Variants in PTK2 observed in about 807,000 individuals in gnomAD.
PTK2 encodes the protein focal adhesion kinase 1.
PTK2 carries 45 observed loss-of-function variants against 150.1 expected under a neutral mutation model. That is an observed-to-expected ratio of 0.30 (90% confidence interval 0.24 to 0.38). The LOEUF is 0.38. Ranked by LOEUF, PTK2 falls within the 10% of genes least tolerant of loss-of-function variation. The pLI, the probability that PTK2 is intolerant of heterozygous loss-of-function variation, is 1.00. For synonymous variants in PTK2, 432 were observed against 449.2 expected, an observed-to-expected ratio of 0.96 and a Z score of 0.48; for missense variants, 919 against 1,307.3, an observed-to-expected ratio of 0.70 and a Z score of 4.58.
intron 1 of PTK2, among the ~76,000 whole-genome samples, chr8:140,943,540 C>A (rs2100176587): frequency 6.6e-6 from 1 of 152,140 alleles, no homozygotes; most frequent in African/African-American, 2.4e-5. Context: ...TAAATGTTCA[C>A]ATAGAGGTCA....
intron 11 of PTK2, among the ~76,000 whole-genome samples, chr8:140,801,640 GGTAGCAT>G (rs2100095087): frequency 6.6e-6 from 1 of 152,054 alleles, no homozygotes; most frequent in African/African-American, 2.4e-5. Flanking sequence ...AAGAACCACA[GGTAGCAT>G]GTGCCCAGTA....
chr8:140,817,168 A>G (rs2100105202), intron 10 of PTK2, among the ~76,000 whole-genome samples: 1 of 151,848 alleles, frequency 6.6e-6, no homozygotes, highest in African/African-American at 2.4e-5. Context: ...CCTGATGATG[A>G]CCCCTTTTCT....
intron 22 of PTK2, among the ~76,000 whole-genome samples, chr8:140,720,856 C>T (rs369888040): frequency 9.9e-5 from 15 of 152,118 alleles, no homozygotes; most frequent in Admixed American, 1.3e-4. Flanking sequence ...CAGGTTCAAG[C>T]GATTCTCCTG....
Position 140,857,019 on chromosome 8 carries a change from G to A in PTK2, c.450+7293C>T, listed in dbSNP as rs554259810. On this transcript the variant is annotated intron_variant, in intron 5 of 31. Transcript: ENST00000522684. Reference sequence around the variant, plus strand: ...ATTCTTTCAACACTGCAGTACATCTGAAGTTTCATAATACAATGTCGTAGA... The same window carrying A: ...ATTCTTTCAACACTGCAGTACATCTAAAGTTTCATAATACAATGTCGTAGA... Among the ~76,000 whole-genome samples, 4 of 152,304 alleles carry A rather than the reference G, an allele frequency of 2.6e-5. No individual in the cohort carries two copies. The South Asian group carries it at 8.3e-4, about 32-fold the overall frequency.
intron 4 of PTK2, among the ~76,000 whole-genome samples, chr8:140,873,404 T>C (rs527333670): frequency 6.6e-6 from 1 of 152,322 alleles, no homozygotes; most frequent in South Asian, 2.1e-4. Context: ...CCAAACTTAT[T>C]TTCTCTTTTA....
intron 30 of PTK2, among the ~76,000 whole-genome samples, chr8:140,665,740 C>A (rs1007165807): frequency 6.6e-6 from 1 of 151,882 alleles, no homozygotes; most frequent in Admixed American, 6.6e-5. Flanking sequence ...ACAAAAAGAA[C>A]GTCATTTGGC....
chr8:140,809,307 A>G (rs1337758019), intron 10 of PTK2, among the ~76,000 whole-genome samples: 1 of 152,236 alleles, frequency 6.6e-6, no homozygotes, highest in Non-Finnish European at 1.5e-5. Context: ...TCAAAAAACA[A>G]TTAGAATAGA....
At chr8:140,930,884 A>G (rs1270673389) in intron 1 of PTK2, among the ~76,000 whole-genome samples, 2 of 151,990 alleles carry the variant, frequency 1.3e-5, no homozygotes, top group East Asian at 3.9e-4. Flanking sequence ...GACCAGCCTG[A>G]GTAACATGGT....
exon 16 of PTK2, chr8:140,761,228 T>A (rs1274030744): frequency 6.2e-7 from 1 of 1,612,968 alleles, no homozygotes; most frequent in Admixed American, 1.7e-5. Flanking sequence ...ATCGTCCAAG[T>A]TCTATTCTTT....
At chr8:140,767,832 ATTG>A in intron 14 of PTK2, among the ~76,000 whole-genome samples, 1 of 152,094 alleles carries the variant, frequency 6.6e-6, no homozygotes, top group East Asian at 1.9e-4. Flanking sequence ...GGTTTTTAGG[ATTG>A]TTAAGATAGT....
chr8:140,959,357 C>T (rs1245012973), intron 1 of PTK2, among the ~76,000 whole-genome samples: 5 of 149,840 alleles, frequency 3.3e-5, no homozygotes, highest in African/African-American at 4.9e-5. Context: ...AGTGAAACCC[C>T]GTCTCTACTA....
intron 1 of PTK2, among the ~76,000 whole-genome samples, chr8:140,972,842 A>G (rs1401849446): frequency 1.5e-5 from 2 of 135,016 alleles, no homozygotes; most frequent in Non-Finnish European, 3.2e-5. Flanking sequence ...GCCATTTTAC[A>G]TTTATTGCTG....
At chr8:140,745,999 C>CA (rs367643506) in intron 18 of PTK2, among the ~76,000 whole-genome samples, 2,629 of 69,536 alleles carry the variant, frequency 0.038, 24 homozygotes, top group Middle Eastern at 0.09. Flanking sequence ...GACTCTGTCT[C>CA]AAAAAAAAAA....
At chr8:140,958,309 C>T (rs11167012) in intron 1 of PTK2, among the ~76,000 whole-genome samples, 35 of 151,634 alleles carry the variant, frequency 2.3e-4, no homozygotes, top group Non-Finnish European at 4.7e-4. Flanking sequence ...CAGCTAATTT[C>T]TTTTTTTTAA....
intron 2 of PTK2, among the ~76,000 whole-genome samples, chr8:140,898,703 A>ACTC (rs1473991228): frequency 6.6e-6 from 1 of 152,114 alleles, no homozygotes; most frequent in East Asian, 1.9e-4. Flanking sequence ...CCTACTCTTT[A>ACTC]CTCCAGAATT....
intron 1 of PTK2, among the ~76,000 whole-genome samples, chr8:140,933,191 A>G (rs371697328): frequency 2.5e-3 from 2 of 810 alleles, no homozygotes; most frequent in East Asian, 0.12. Flanking sequence ...AACAGTAATG[A>G]AAAAAAAAAA....
At chr8:140,943,988 A>G (rs534799770) in intron 1 of PTK2, among the ~76,000 whole-genome samples, 4 of 152,280 alleles carry the variant, frequency 2.6e-5, no homozygotes, top group Non-Finnish European at 4.4e-5. Flanking sequence ...AAGTGTTTGT[A>G]TATTTTGTTA....
intron 2 of PTK2, among the ~76,000 whole-genome samples, chr8:140,907,722 G>C (rs995720081): frequency 6.6e-6 from 1 of 152,076 alleles, no homozygotes; most frequent in Non-Finnish European, 1.5e-5. Flanking sequence ...TTATTTCTGT[G>C]ATGCTGATTC....
At chr8:140,682,649 A>C (rs1052547268) in intron 27 of PTK2, among the ~76,000 whole-genome samples, 1 of 151,254 alleles carries the variant, frequency 6.6e-6, no homozygotes, top group Non-Finnish European at 1.5e-5. Context: ...AAAAAAAAAA[A>C]CCGAAATCAC....
Sources: allele counts gnomAD v4.1 joint callset (sites outside exome capture counted in the v4.1 genomes callset), GRCh38; gene constraint gnomAD v4.1.1; transcripts MANE v1.5; gene names NCBI Gene and HGNC (gene_info 2026-07-23, HGNC 2026-07-21).